The following ASIC3 variants were observed in gnomAD, a reference collection of about 807,000 sequenced individuals.
ASIC3 encodes the protein acid-sensing ion channel 3.
Under a neutral mutation model 58.6 loss-of-function variants are expected in ASIC3, and 46 were observed. The observed-to-expected ratio is 0.79, with a 90% confidence interval of 0.62 to 1.00. The LOEUF (loss-of-function observed/expected upper bound fraction) is 1.00, where lower values mean the gene tolerates loss of function less well. Ranked by LOEUF, ASIC3 falls within the 50% of genes least tolerant of loss-of-function variation. ASIC3 has a pLI of 0.00. For missense variants in ASIC3, 770 were observed against 735.0 expected (o/e 1.05, Z -0.55); for synonymous variants, 336 against 300.2 (o/e 1.12, Z -1.23).
chr7:151,048,505 T>G (rs1462557956), upstream of ASIC3: 9 of 188,016 alleles, frequency 4.8e-5, no homozygotes, highest in East Asian at 2.6e-4. Flanking sequence ...TCGGCCCCCT[T>G]TCCCCCCTAC....
At chr7:151,050,686 C>T in intron 3 of ASIC3, 72 bp from the exon 4 acceptor site, 1 of 1,607,170 alleles carries the variant, frequency 6.2e-7, no homozygotes, top group East Asian at 2.2e-5. Flanking sequence ...CTCCTCAGAC[C>T]TGTCTAGGGG....
Position 151,052,746 on chromosome 7 carries a change from A to C in ASIC3, c.*94A>C. 6.2e-7 allele frequency: 1 copy of C among 1,613,432 alleles called. No individual in the cohort carries two copies. The highest frequency in any genetic ancestry group is 8.5e-7 in the Non-Finnish European group (1 of 1,179,528). The stretch of plus-strand genomic sequence containing the variant: ...CCGTCTTCACCCCAAATAAAGTCCT[A>C]ATGCATCAGCCTCAGCTGTTTCTCT... On this transcript the variant is annotated 3_prime_UTR_variant, in exon 11 of 11. Transcript: ENST00000349064. The surrounding 1 kb of genome is among the most constrained non-coding windows in gnomAD (Gnocchi z 5.0).
rs1287844310 is a variant in ASIC3 at position 151,051,074 on chromosome 7, A to T, written c.1045A>T (p.Asn349Tyr). 1.2e-6 allele frequency: 2 copies of T among 1,612,998 alleles called. No individual in the cohort carries two copies. Among genetic ancestry groups the T allele is most frequent in the Non-Finnish European group, 1.7e-6 (2 of 1,179,928 alleles). Residue 349 changes from asparagine to tyrosine, a missense_variant, in exon 5 of 11, where the codon AAC becomes TAC. By Grantham distance (143) the Asn-to-Tyr change is moderately radical. Coordinates refer to ENST00000349064, the MANE Select transcript of ASIC3 (RefSeq NM_004769.4). ...VPVCSPQQYK[N>Y]CAHPAIDAML... is the part of the protein sequence containing the mutation. ...AGTGTGCAGCCCCCAGCAGTACAAG[A>T]ACTGTGCCCACCCGGCCATAGGTAA...
rs747352796 is a variant in ASIC3 at position 151,052,453 on chromosome 7, C to T, written c.1496C>T (p.Pro499Leu). 12 of 1,613,982 alleles carry T rather than the reference C, an allele frequency of 7.4e-6. No individual in the cohort carries two copies. In the East Asian group the frequency reaches 2.7e-4, roughly 36 times the overall value. ...CTGGGCAGCCATCGAACCCAAGTTC[C>T]CCACCTCAGCCTGGGCCCCAGGTAA... is the stretch of plus-strand genomic sequence containing the variant. ...EGLGSHRTQV[P>L]HLSLGPRPPT... The change falls in exon 10 of 11, where the codon CCC becomes CTC. Residue 499 changes from proline to leucine, a missense_variant. By Grantham distance (98) the Pro-to-Leu change is moderately conservative (BLOSUM62 -3). Transcript: ENST00000349064. The surrounding 1 kb of genome is among the most constrained non-coding windows in gnomAD (Gnocchi z 5.0).
chr7:151,051,258 C>G lies in ASIC3; in HGVS notation c.1153C>G (p.Pro385Ala). ...CAAGGAGCTCTCCATGGTGCGGATC[C>G]CGAGCCGCGCCGCCGCGCGCTTCCT... ...YAKELSMVRI[P>A]SRAAARFLAR... Residue 385 changes from proline to alanine, a missense_variant, in exon 6 of 11, where the codon CCG becomes GCG. Coordinates refer to ENST00000349064, the MANE Select transcript of ASIC3 (RefSeq NM_004769.4). The G allele has an allele frequency of 2.6e-6, 4 of 1,536,784 alleles. 1 individual carries two copies. The highest frequency in any genetic ancestry group is 1.7e-6 in the Non-Finnish European group (2 of 1,149,934).
rs370089221 is a variant in ASIC3 at position 151,052,595 on chromosome 7, C to A, written c.1539C>A (p.Ala513=). ...LGPRPPTPPC[A]VTKTLSASHR... ...GAAGACCTCCCACCCCTCCCTGTGC[C>A]GTCACCAAGACTCTCTCCGCCTCCC... Residue 513 remains alanine, a synonymous_variant, in exon 11 of 11, where the codon GCC becomes GCA. Transcript: ENST00000349064. This position sits in a 1 kb window ranked among gnomAD's most constrained non-coding sequence, Gnocchi z 5.0. The A allele has an allele frequency of 6.2e-7, 1 of 1,614,128 alleles. No homozygotes were observed. Among genetic ancestry groups the A allele is most frequent in the Non-Finnish European group, 8.5e-7 (1 of 1,180,012 alleles).
rs115701115 is a variant in ASIC3 at position 151,052,596 on chromosome 7, G to A, written c.1540G>A (p.Val514Ile). The change falls in exon 11 of 11, where the codon GTC becomes ATC. Residue 514 changes from valine (V) to isoleucine (I), a missense_variant. By Grantham distance (29) the Val-to-Ile change is conservative. Transcript: ENST00000349064. The surrounding 1 kb of genome is among the most constrained non-coding windows in gnomAD (Gnocchi z 5.0). The stretch of plus-strand genomic sequence containing the variant: ...AAGACCTCCCACCCCTCCCTGTGCC[G>A]TCACCAAGACTCTCTCCGCCTCCCA... ...GPRPPTPPCA[V>I]TKTLSASHRT... 6.8e-4 allele frequency: 1,094 copies of A among 1,613,388 alleles called. 4 individuals carry two copies. In the African/African-American group the frequency reaches 0.013, roughly 19 times the overall value.
rs1432234243 is a variant in ASIC3, at chr7:151,049,232, G to C, written c.347G>C (p.Gly116Ala). The C allele has an allele frequency of 1.9e-6, 3 of 1,611,918 alleles. No individual in the cohort carries two copies. The highest frequency in any genetic ancestry group is 2.5e-6 in the Non-Finnish European group (3 of 1,179,100). Residue 116 changes from glycine to alanine, a missense_variant, in exon 1 of 11, where the codon GGC (glycine) becomes GCC (alanine). Transcript: ENST00000349064. ...DLHWAGSALL[G>A]LDPAEHAAFL... ...CACTGGGCTGGGTCTGCGCTGCTGGGCCTGGATCCCGCAGAGCACGCCGCC... is the reference window on the plus strand; with the variant it reads ...CACTGGGCTGGGTCTGCGCTGCTGGCCCTGGATCCCGCAGAGCACGCCGCC...
rs150091812 is a variant in ASIC3, at chr7:151,048,869, G to A, written c.-17G>A. ...CTTCCAAGCCTCTGTAGCTGGTTCC[G>A]CTCCTGGGTTCTGGCCATGAAGCCC... On this transcript the variant is annotated 5_prime_UTR_variant, in exon 1 of 11. Coordinates refer to ENST00000349064, the MANE Select transcript of ASIC3 (RefSeq NM_004769.4). 19,943 of 1,531,670 alleles carry A rather than the reference G, an allele frequency of 0.013. 155 individuals carry two copies. Among genetic ancestry groups the A allele is most frequent in the Non-Finnish European group, 0.015 (17,563 of 1,138,260 alleles). The allele number at this position is 1,531,670 out of a possible 1,614,324, so 94.9% of individuals were successfully genotyped here.
Position 151,052,148 on chromosome 7 carries a change from CATCCTGCTTGCCTCCAGGTG to C in ASIC3, c.1387-17_1389del, listed in dbSNP as rs770813334. 2 of 1,614,008 alleles carry C rather than the reference CATCCTGCTTGCCTCCAGGTG, an allele frequency of 1.2e-6. No homozygotes were observed. The highest frequency in any genetic ancestry group is 2.2e-5 in the South Asian group (2 of 91,086). On this transcript the variant is annotated splice_acceptor_variant and splice_polypyrimidine_tract_variant and coding_sequence_variant and intron_variant, in exon 9 of 11. Coordinates refer to ENST00000349064, the MANE Select transcript of ASIC3 (RefSeq NM_004769.4). LOFTEE classifies it high-confidence loss of function. The surrounding 1 kb of genome is among the most constrained non-coding windows in gnomAD (Gnocchi z 5.0). ...GGGAAGGTGTGCACTGGCCACCTCCCATCCTGCTTGCCTCCAGGTGTTCCGAGACAAGGTCCTGGGATATT... is the reference window on the plus strand; with the variant it reads ...GGGAAGGTGTGCACTGGCCACCTCCCTTCCGAGACAAGGTCCTGGGATATT...
At position 151,050,249 on chromosome 7, in the gene ASIC3, G is replaced by A. The variant is rs1318969394; in HGVS notation, c.678G>A (p.Arg226=). Residue 226 remains arginine, a synonymous_variant, in exon 2 of 11, where the codon AGG becomes AGA. Transcript: ENST00000349064. ...VQQEEYLPVW[R]DNEETPFEVG... is the part of the protein sequence containing the mutation. The stretch of plus-strand genomic sequence containing the variant: ...AGGAGGAATATCTACCTGTGTGGAG[G>A]GACAATGGTAGGGAGCACACAAATG... The A allele has an allele frequency of 1.2e-6, 2 of 1,612,958 alleles. No homozygotes were observed. Among genetic ancestry groups the A allele is most frequent in the African/African-American group, 1.3e-5 (1 of 75,010 alleles).
intron 6 of ASIC3, 29 bp from the exon 7 acceptor site, chr7:151,051,781 C>T (rs1004908179): frequency 2.5e-6 from 4 of 1,608,596 alleles, no homozygotes; most frequent in Admixed American, 3.3e-5. Flanking sequence ...CGGTGGCCAG[C>T]CCACATTTGA....
Position 151,051,161 on chromosome 7 carries a change from G to A in ASIC3, c.1067-11G>A. The A allele has an allele frequency of 6.3e-7, 1 of 1,594,962 alleles. No homozygotes were observed. Among genetic ancestry groups the A allele is most frequent in the Non-Finnish European group, 8.5e-7 (1 of 1,175,284 alleles). On this transcript the variant is annotated splice_polypyrimidine_tract_variant and intron_variant, in intron 5 of 10. Transcript: ENST00000349064. The stretch of plus-strand genomic sequence containing the variant: ...GCCCGCGGGCGTCTGACGCGGCCCG[G>A]TGGCCCGCAGATGCCATGCTTCGCA...
At chr7:151,049,972 G>T (rs546310892) in intron 1 of ASIC3, 134 bp from the exon 2 acceptor site, 8 of 1,183,188 alleles carry the variant, frequency 6.8e-6, no homozygotes, top group Non-Finnish European at 9.7e-6. Context: ...CCACTGGAGC[G>T]TGGGGCTGGG....
chr7:151,050,829 C>T lies in ASIC3; in HGVS notation c.885C>T (p.Pro295=), dbSNP rs112149514. 380 of 1,613,576 alleles carry T rather than the reference C, an allele frequency of 2.4e-4. 3 individuals carry two copies. In the African/African-American group the frequency reaches 3.9e-3, roughly 17 times the overall value. The part of the protein sequence containing the change: ...ASLNPNYEPE[P]SDPLGSPSPS... The stretch of plus-strand genomic sequence containing the variant: ...TGAACCCCAACTATGAGCCAGAGCC[C>T]TCTGATCCCCTAGGCTCCCCCAGCC... Residue 295 remains proline (P), a synonymous_variant, in exon 4 of 11, where the codon CCC becomes CCT. Transcript: ENST00000349064.
intron 3 of ASIC3, 65 bp downstream of exon 3, chr7:151,050,673 C>T (rs1796748646): frequency 1.2e-6 from 2 of 1,608,820 alleles, no homozygotes; most frequent in Non-Finnish European, 1.7e-6. Context: ...CCTAAACCCT[C>T]AGCTCCTCAG....
intron 1 of ASIC3, 177 bp from the exon 2 acceptor site, chr7:151,049,929 G>A: frequency 2.6e-6 from 2 of 774,580 alleles, no homozygotes; most frequent in Non-Finnish European, 2.1e-6. Flanking sequence ...GAGCTGAGTT[G>A]ATGGGCTCCC....
In ASIC3 at chr7:151,051,184, G is replaced by A. The variant is rs758486487; in HGVS notation, c.1079G>A (p.Arg360His). The change falls in exon 6 of 11, where the codon CGC (arginine) becomes CAC (histidine). Residue 360 changes from arginine to histidine, a missense_variant. Transcript: ENST00000349064. ...CAHPAIDAML[R>H]KDSCACPNPC... is the part of the protein sequence containing the mutation. ...CGGTGGCCCGCAGATGCCATGCTTC[G>A]CAAGGACTCGTGCGCCTGCCCCAAC... The A allele has an allele frequency of 6.3e-7, 1 of 1,592,812 alleles. No homozygotes were observed. The highest frequency in any genetic ancestry group is 8.5e-7 in the Non-Finnish European group (1 of 1,174,772).
chr7:151,049,396 TGTG>T lies in ASIC3; in HGVS notation c.513_515del (p.Cys171_Gly172delinsTrp). The T allele has an allele frequency of 1.3e-6, 2 of 1,597,706 alleles. No individual in the cohort carries two copies. Among genetic ancestry groups the T allele is most frequent in the Non-Finnish European group, 1.7e-6 (2 of 1,171,230 alleles). On this transcript the variant is annotated inframe_deletion, in exon 1 of 11. Coordinates refer to ENST00000349064, the MANE Select transcript of ASIC3 (RefSeq NM_004769.4). ...GGACTGTCGCTTCCGTGGCCAACCT[TGTG>T]GGCCTGAGAACTTCACCACGGTGAG...
Sources: gnomAD v4.1 joint callset for allele counts on GRCh38, gnomAD v4.1.1 for gene constraint, Gnocchi (gnomAD v3.1) non-coding constraint, MANE v1.5 for transcripts, NCBI Gene and HGNC (gene_info 2026-07-23, HGNC 2026-07-21) for gene names.